Variants in SPDYA observed in about 807,000 individuals in gnomAD.
SPDYA encodes speedy/RINGO cell cycle regulator family member A.
Under a neutral mutation model 36.7 loss-of-function variants are expected in SPDYA, and 11 were observed. That is an observed-to-expected ratio of 0.30 (90% CI 0.19 to 0.50). The LOEUF (loss-of-function observed/expected upper bound fraction) is 0.50, where lower values mean the gene tolerates loss of function less well. SPDYA is among the 20% of genes least tolerant of loss of function. SPDYA has a pLI of 0.98. For missense variants in SPDYA, 287 were observed against 370.9 expected (o/e 0.77, Z 1.86); for synonymous variants, 115 against 118.7 (o/e 0.97, Z 0.20).
chr2:28,827,687 G>GT, intron 5 of SPDYA, among the ~76,000 whole-genome samples: 1 of 151,988 alleles, frequency 6.6e-6, no homozygotes. Flanking sequence ...TTTATCACTG[G>GT]TTTTGAGCAA....
chr2:28,838,781 G>A (rs949860943), intron 6 of SPDYA, among the ~76,000 whole-genome samples: 2 of 152,072 alleles, frequency 1.3e-5, no homozygotes, highest in African/African-American at 2.4e-5. Flanking sequence ...AGACCAGCCC[G>A]GCCAACATGG....
intron 7 of SPDYA, among the ~76,000 whole-genome samples, chr2:28,845,597 T>A (rs967424866): frequency 1.3e-5 from 2 of 152,198 alleles, no homozygotes; most frequent in South Asian, 4.1e-4. Flanking sequence ...CAGGCTGGAG[T>A]GCAATGGTGC....
At chr2:28,823,725 ATATATATATATATATATAT>A (rs1165604802) in intron 5 of SPDYA, among the ~76,000 whole-genome samples, 2,568 of 113,848 alleles carry the variant, frequency 0.023, 117 homozygotes, top group Non-Finnish European at 0.037. Flanking sequence ...ATATATATAT[ATATATATATATATATATAT>A]AAAATTTTTT....
At chr2:28,839,195 T>A (rs1304374846) in intron 6 of SPDYA, among the ~76,000 whole-genome samples, 1 of 152,188 alleles carries the variant, frequency 6.6e-6, no homozygotes, top group Non-Finnish European at 1.5e-5. Flanking sequence ...TTGCCCAGTA[T>A]TATACAGCTA....
Position 28,850,398 on chromosome 2 carries a change from C to A in SPDYA, c.*457C>A, listed in dbSNP as rs771937223. On this transcript the variant is annotated 3_prime_UTR_variant, in exon 8 of 8. Coordinates refer to ENST00000334056, the MANE Select transcript of SPDYA (RefSeq NM_182756.4). ...ATGATCCATATGGAAAATCAGAATG[C>A]GATTCTTCTGTTGTAAAAAAATATA... The A allele has an allele frequency of 1.2e-6, 2 of 1,602,380 alleles. 1 individual carries two copies. Among genetic ancestry groups the A allele is most frequent in the South Asian group, 2.3e-5 (2 of 88,386 alleles).
intron 3 of SPDYA, among the ~76,000 whole-genome samples, chr2:28,817,972 G>A (rs1668029530): frequency 6.6e-6 from 1 of 151,400 alleles, no homozygotes; most frequent in East Asian, 1.9e-4. Flanking sequence ...ACCAGCCTGG[G>A]GCAACGTGGT....
At chr2:28,842,507 G>A (rs1482108931) in intron 7 of SPDYA, among the ~76,000 whole-genome samples, 1 of 152,114 alleles carries the variant, frequency 6.6e-6, no homozygotes, top group Admixed American at 6.6e-5. Context: ...GGTCTTTGAG[G>A]GATTGTGGAT....
chr2:28,819,844 AAAAAAATATATATATATATAT>A (rs1309256749), intron 4 of SPDYA, among the ~76,000 whole-genome samples: 5 of 36,090 alleles, frequency 1.4e-4, no homozygotes, highest in Non-Finnish European at 1.9e-4. Flanking sequence ...AAAAAAAAAA[AAAAAAATATATATATATATAT>A]ATATATATAT....
rs1210072405 is a variant in SPDYA, at chr2:28,816,006, G to A, written c.-9G>A. The A allele has an allele frequency of 6.2e-7, 1 of 1,600,324 alleles. No individual in the cohort carries two copies. Among genetic ancestry groups the A allele is most frequent in the Non-Finnish European group, 8.5e-7 (1 of 1,174,634 alleles). On this transcript the variant is annotated 5_prime_UTR_variant, in exon 3 of 8. Coordinates refer to ENST00000334056, the MANE Select transcript of SPDYA (RefSeq NM_182756.4). Reference sequence around the variant, plus strand: ...TGTTTTATTTTTACAGGAATATTGGGAAACCAAAATGAGGCACAATCAGAT... The same window carrying A: ...TGTTTTATTTTTACAGGAATATTGGAAAACCAAAATGAGGCACAATCAGAT...
intron 7 of SPDYA, among the ~76,000 whole-genome samples, chr2:28,841,355 T>C (rs1205148722): frequency 6.6e-6 from 1 of 152,164 alleles, no homozygotes; most frequent in Non-Finnish European, 1.5e-5. Context: ...CCTTATTAGC[T>C]GAAAAAATAC....
chr2:28,822,342 C>A lies in SPDYA; in HGVS notation c.312C>A (p.Thr104=). 6.4e-7 allele frequency: 1 copy of A among 1,553,592 alleles called. No homozygotes were observed. The highest frequency in any genetic ancestry group is 1.2e-5 in the South Asian group (1 of 82,094). ...KIADKYLLAM[T]FVYFKRAKFT... is the part of the protein sequence containing the mutation. ...CCTTATAGTATCTTTTGGCTATGACCTTTGTTTATTTCAAGAGGGCTAAAT... is the reference window on the plus strand; with the variant it reads ...CCTTATAGTATCTTTTGGCTATGACATTTGTTTATTTCAAGAGGGCTAAAT... Residue 104 remains threonine (T), a synonymous_variant, in exon 5 of 8, where the codon ACC becomes ACA. Transcript: ENST00000334056.
At chr2:28,816,627 G>A (rs1667988721) in intron 3 of SPDYA, among the ~76,000 whole-genome samples, 1 of 152,146 alleles carries the variant, frequency 6.6e-6, no homozygotes, top group Admixed American at 6.5e-5. Context: ...GGGTTTCCCA[G>A]GACTTTCTCT....
chr2:28,817,596 C>A (rs966918648), intron 3 of SPDYA, among the ~76,000 whole-genome samples: 1 of 151,152 alleles, frequency 6.6e-6, no homozygotes, highest in Admixed American at 6.6e-5. Context: ...AATTAATGGG[C>A]CAGGCGCAGT....
At chr2:28,831,855 C>T (rs926635833) in intron 6 of SPDYA, among the ~76,000 whole-genome samples, 7 of 152,152 alleles carry the variant, frequency 4.6e-5, no homozygotes, top group Non-Finnish European at 1.0e-4. Context: ...TGTGAAAGAA[C>T]GATCTTTGCT....
chr2:28,817,595 G>T (rs1668018840), intron 3 of SPDYA, among the ~76,000 whole-genome samples: 1 of 150,844 alleles, frequency 6.6e-6, no homozygotes, highest in South Asian at 2.1e-4. Context: ...GAATTAATGG[G>T]CCAGGCGCAG....
chr2:28,829,709 C>T (rs1668425925), intron 6 of SPDYA, among the ~76,000 whole-genome samples: 1 of 150,944 alleles, frequency 6.6e-6, no homozygotes, highest in Admixed American at 6.6e-5. Flanking sequence ...TTTGGGAGGC[C>T]GAGGCGGGCA....
intron 4 of SPDYA, among the ~76,000 whole-genome samples, chr2:28,821,249 G>T (rs1668155634): frequency 7.0e-6 from 1 of 142,118 alleles, no homozygotes; most frequent in African/African-American, 2.6e-5. Context: ...ATCCAGGCTG[G>T]AGTGCAGTGG....
intron 4 of SPDYA, among the ~76,000 whole-genome samples, chr2:28,820,109 T>C (rs1668120437): frequency 6.6e-6 from 1 of 151,520 alleles, no homozygotes; most frequent in Non-Finnish European, 1.5e-5. Context: ...GGAGAAAAAA[T>C]ATTCTGAGAT....
intron 4 of SPDYA, among the ~76,000 whole-genome samples, chr2:28,820,534 C>T (rs908809211): frequency 2.6e-5 from 4 of 151,374 alleles, no homozygotes; most frequent in African/African-American, 4.9e-5. Context: ...TGCAGTGAGC[C>T]GAGACCGAGC....
Sources: gnomAD v4.1 joint callset for allele counts (sites outside exome capture counted in the v4.1 genomes callset) on GRCh38, gnomAD v4.1.1 for gene constraint, MANE v1.5 for transcripts, NCBI Gene and HGNC (gene_info 2026-07-23, HGNC 2026-07-21) for gene names.